STX17: variants seen among roughly 807,000 people sequenced by gnomAD.
STX17 encodes the protein syntaxin-17.
A neutral mutation model predicts 35.9 loss-of-function variants in STX17; 29 were observed. The ratio of observed to expected loss-of-function variants is 0.81; its 90% confidence interval spans 0.60 to 1.10. STX17 has a LOEUF of 1.10. Among genes scored for constraint, STX17 ranks in the 50% least tolerant of loss-of-function variants. The pLI, the probability that STX17 is intolerant of heterozygous loss-of-function variation, is 0.00. For synonymous variants in STX17, 92 were observed against 118.3 expected, an observed-to-expected ratio of 0.78 and a Z score of 1.44; for missense variants, 312 against 352.3, an observed-to-expected ratio of 0.89 and a Z score of 0.92.
intron 3 of STX17, among the ~76,000 whole-genome samples, chr9:99,943,753 C>T (rs79766471): frequency 0.018 from 2,720 of 152,168 alleles, 78 homozygotes; most frequent in African/African-American, 0.062. Context: ...GTTTATAGTG[C>T]GTGAGACTAG....
intron 1 of STX17, among the ~76,000 whole-genome samples, chr9:99,913,348 T>A (rs1468468185): frequency 6.6e-6 from 1 of 152,072 alleles, no homozygotes; most frequent in Non-Finnish European, 1.5e-5. Flanking sequence ...ATGTCTTTTA[T>A]CTTCTTTTTT....
chr9:99,932,782 A>C (rs1449215089), intron 3 of STX17, among the ~76,000 whole-genome samples: 1 of 152,104 alleles, frequency 6.6e-6, no homozygotes, highest in Non-Finnish European at 1.5e-5. Flanking sequence ...ATCTGCTCTG[A>C]ATTTTGTGTA....
intron 3 of STX17, among the ~76,000 whole-genome samples, chr9:99,948,975 A>G (rs964469044): frequency 2.0e-5 from 3 of 152,110 alleles, no homozygotes; most frequent in Non-Finnish European, 4.4e-5. Context: ...TATATAACCA[A>G]GCTTTATAAT....
At chr9:99,939,903 A>C (rs1829315377) in intron 3 of STX17, among the ~76,000 whole-genome samples, 1 of 152,160 alleles carries the variant, frequency 6.6e-6, no homozygotes, top group African/African-American at 2.4e-5. Flanking sequence ...AGTGGGCCTG[A>C]ACTTTCTTTC....
rs578255957 is a variant in STX17, at chr9:99,970,574, A to G, written c.*1901A>G. On this transcript the variant is annotated 3_prime_UTR_variant, in exon 8 of 8. Coordinates refer to ENST00000259400, the MANE Select transcript of STX17 (RefSeq NM_017919.3). ...AGGATCAGAACTCACCCAGGCACAT[A>G]CTAAAGCAAGATTCCTAAACCTCAG... is the stretch of plus-strand genomic sequence containing the variant. 1.3e-5 allele frequency among the ~76,000 whole-genome samples: 2 copies of G among 152,196 alleles called. No homozygotes were observed. Among genetic ancestry groups the G allele is most frequent in the Non-Finnish European group, 2.9e-5 (2 of 68,022 alleles).
chr9:99,918,896 C>A (rs974417083), intron 2 of STX17, among the ~76,000 whole-genome samples: 1 of 151,960 alleles, frequency 6.6e-6, no homozygotes, highest in African/African-American at 2.4e-5. Context: ...GGGTGAGGAG[C>A]TTGGAGGGGT....
Position 99,968,714 on chromosome 9 carries a change from T to C in STX17, c.*41T>C. 2 of 1,585,654 alleles carry C rather than the reference T, an allele frequency of 1.3e-6. No homozygotes were observed. The highest frequency in any genetic ancestry group is 1.7e-6 in the Non-Finnish European group (2 of 1,165,656). On this transcript the variant is annotated 3_prime_UTR_variant, in exon 8 of 8. Transcript: ENST00000259400. ...ATTATTGGTGCCAACATGTCTATCC[T>C]GAGGACCTTTGCTGCTGTTGGACAC...
intron 3 of STX17, among the ~76,000 whole-genome samples, chr9:99,947,050 GTCT>G (rs1471896490): frequency 1.3e-5 from 2 of 151,814 alleles, no homozygotes; most frequent in East Asian, 3.9e-4. Context: ...TTCATTTTCC[GTCT>G]TCTTCTGGAA....
intron 3 of STX17, among the ~76,000 whole-genome samples, chr9:99,946,014 C>T (rs1249309035): frequency 1.3e-5 from 2 of 152,080 alleles, no homozygotes; most frequent in Admixed American, 6.6e-5. Context: ...ACCTGGGAGG[C>T]GGAGGTTGCA....
intron 2 of STX17, among the ~76,000 whole-genome samples, chr9:99,920,017 T>G (rs1019958810): frequency 2.6e-5 from 4 of 152,238 alleles, no homozygotes; most frequent in Non-Finnish European, 5.9e-5. Flanking sequence ...TGTGAATATC[T>G]GCTTTGATCT....
intron 3 of STX17, among the ~76,000 whole-genome samples, chr9:99,933,186 C>T (rs10120103): frequency 0.69 from 104,745 of 152,026 alleles, 36,351 homozygotes; most frequent in African/African-American, 0.72. Context: ...TACACTATTA[C>T]CTGATTTCTG....
rs563948569 is a variant in STX17 at position 99,971,649 on chromosome 9, G to T, written c.*2976G>T. ...CAGAGGTTTACTCAACTACAAAGGG[G>T]TGAAGCCAGGAATGTTAACTAGGTC... On this transcript the variant is annotated 3_prime_UTR_variant, in exon 8 of 8. Coordinates refer to ENST00000259400, the MANE Select transcript of STX17 (RefSeq NM_017919.3). 2.0e-5 allele frequency among the ~76,000 whole-genome samples: 3 copies of T among 152,294 alleles called. No homozygotes were observed. Among genetic ancestry groups the T allele is most frequent in the African/African-American group, 7.2e-5 (3 of 41,550 alleles).
At chr9:99,964,122 G>A (rs1829873908) in intron 6 of STX17, among the ~76,000 whole-genome samples, 1 of 152,102 alleles carries the variant, frequency 6.6e-6, no homozygotes. Context: ...TGATATAAAT[G>A]GATTTGGGGG....
intron 6 of STX17, among the ~76,000 whole-genome samples, chr9:99,960,644 A>G (rs1421353309): frequency 2.6e-5 from 4 of 152,094 alleles, no homozygotes; most frequent in Admixed American, 2.0e-4. Context: ...GGGTTTCACC[A>G]TGTTGGTCAG....
At chr9:99,965,777 T>C (rs924664307) in intron 6 of STX17, among the ~76,000 whole-genome samples, 42 of 152,190 alleles carry the variant, frequency 2.8e-4, no homozygotes, top group African/African-American at 1.0e-3. Flanking sequence ...AAAAGTTAAA[T>C]ATATTTTTTG....
chr9:99,956,941 T>C (rs866832416), intron 4 of STX17, among the ~76,000 whole-genome samples: 5 of 152,230 alleles, frequency 3.3e-5, no homozygotes, highest in African/African-American at 1.2e-4. Context: ...TGCTTACTTT[T>C]AGGAGTAGAT....
intron 3 of STX17, among the ~76,000 whole-genome samples, chr9:99,947,883 A>G (rs555597637): frequency 6.0e-4 from 91 of 151,670 alleles, no homozygotes; most frequent in African/African-American, 2.1e-3. Flanking sequence ...CTAGATTTCC[A>G]TCTTTGCCCA....
intron 2 of STX17, among the ~76,000 whole-genome samples, chr9:99,918,242 G>T (rs1010007020): frequency 6.6e-6 from 1 of 152,272 alleles, no homozygotes; most frequent in South Asian, 2.1e-4. Flanking sequence ...CAATCCTCCT[G>T]TCTCAGCTTC....
chr9:99,963,241 A>G (rs1428717203), intron 6 of STX17, among the ~76,000 whole-genome samples: 1 of 152,086 alleles, frequency 6.6e-6, no homozygotes, highest in Non-Finnish European at 1.5e-5. Context: ...ACCCTGCTCT[A>G]TTTTTCTTCA....
Sources: gnomAD v4.1 joint callset for allele counts (sites outside exome capture counted in the v4.1 genomes callset) on GRCh38, gnomAD v4.1.1 for gene constraint, MANE v1.5 for transcripts, NCBI Gene and HGNC (gene_info 2026-07-23, HGNC 2026-07-21) for gene names.